SLC35E1: variants seen among roughly 807,000 people sequenced by gnomAD.
SLC35E1 encodes solute carrier family 35 member E1.
Under a neutral mutation model 31.0 loss-of-function variants are expected in SLC35E1, and 12 were observed. The ratio of observed to expected loss-of-function variants is 0.39; its 90% CI spans 0.25 to 0.63. The LOEUF (loss-of-function observed/expected upper bound fraction) is 0.63. SLC35E1 is among the 20% of genes least tolerant of loss of function. The pLI, the probability that SLC35E1 is intolerant of heterozygous loss-of-function variation, is 0.52. For missense variants in SLC35E1, 429 were observed against 572.2 expected (o/e 0.75, Z 2.55); for synonymous variants, 257 against 264.1 (o/e 0.97, Z 0.26).
Position 16,553,457 on chromosome 19 carries a change from A to G in SLC35E1, c.*222T>C. The G allele has an allele frequency of 2.6e-6, 1 of 381,072 alleles. No individual in the cohort carries two copies. Among genetic ancestry groups the G allele is most frequent in the East Asian group, 3.9e-5 (1 of 25,534 alleles). The allele number at this position is 381,072 out of a possible 1,614,324, so 23.6% of individuals were successfully genotyped here. On this transcript the variant is annotated 3_prime_UTR_variant, in exon 6 of 6. Transcript: ENST00000595753. ...ACTCCAGGAAGAAAGAGCATGAGACACTGGTCTCTGTTTAGGTTTGCCCAG... is the reference window on the plus strand; with the variant it reads ...ACTCCAGGAAGAAAGAGCATGAGACGCTGGTCTCTGTTTAGGTTTGCCCAG...
Position 16,550,740 on chromosome 19 carries a change from GC to G in SLC35E1, c.*2938del, listed in dbSNP as rs201308043. On this transcript the variant is annotated 3_prime_UTR_variant, in exon 6 of 6. Coordinates refer to ENST00000595753, the MANE Select transcript of SLC35E1 (RefSeq NM_024881.5). ...AAGCAAGACTCCATCTTGGCAGGGG[GC>G]GGGGGGATGTGGACCTTCAAGTCTC... 23,655 of 140,032 alleles carry G rather than the reference GC, an allele frequency of 0.17. 2,752 individuals carry two copies. The highest frequency in any genetic ancestry group is 0.38 in the African/African-American group (13,741 of 36,606). 8.7% of individuals were successfully genotyped at this position (140,032 alleles called of 1,614,324 possible).
Position 16,555,176 on chromosome 19 carries a change from G to A in SLC35E1, c.978C>T (p.Ile326=), listed in dbSNP as rs1259118497. 1.9e-6 allele frequency: 3 copies of A among 1,614,182 alleles called. No homozygotes were observed. Among genetic ancestry groups the A allele is most frequent in the Non-Finnish European group, 2.5e-6 (3 of 1,180,046 alleles). ...CCTTGTTATAGAGGAAGACCCCCAG[G>A]ATGGCGGTCATCATGCCCAGGACGT... The part of the protein sequence containing the change: ...STNVLGMMTA[I]LGVFLYNKTK... Residue 326 remains isoleucine (I), a synonymous_variant, in exon 5 of 6, where the codon ATC becomes ATT. Coordinates refer to ENST00000595753, the MANE Select transcript of SLC35E1 (RefSeq NM_024881.5). This position sits in a 1 kb window ranked among gnomAD's most constrained non-coding sequence, Gnocchi z 4.1.
chr19:16,558,084 C>T (rs1339064502), intron 4 of SLC35E1, among the ~76,000 whole-genome samples: 1 of 151,848 alleles, frequency 6.6e-6, no homozygotes, highest in Non-Finnish European at 1.5e-5. Flanking sequence ...GCTCTTGTCA[C>T]CCTGGCTGGA....
rs939243700 is a variant in SLC35E1, at chr19:16,555,956, C to T, written c.757-559G>A. 1 of 155,906 alleles carries T rather than the reference C, an allele frequency of 6.4e-6. No individual in the cohort carries two copies. Among genetic ancestry groups the T allele is most frequent in the Non-Finnish European group, 1.4e-5 (1 of 70,634 alleles). 9.7% of individuals were successfully genotyped at this position (155,906 alleles called of 1,614,324 possible). ...TGAGGCCAGGTGCAGTGGCTCACAC[C>T]TGTAATCCCAGCACTTTGGGAGGCC... is the stretch of plus-strand genomic sequence containing the variant. On this transcript the variant is annotated intron_variant, in intron 4 of 5. Transcript: ENST00000595753. The surrounding 1 kb of genome is among the most constrained non-coding windows in gnomAD (Gnocchi z 4.1).
At chr19:16,557,512 A>C (rs1219944319) in intron 4 of SLC35E1, among the ~76,000 whole-genome samples, 1 of 152,090 alleles carries the variant, frequency 6.6e-6, no homozygotes, top group African/African-American at 2.4e-5. Flanking sequence ...CATTTTAACA[A>C]ATGCATCAAT....
Position 16,553,812 on chromosome 19 carries a change from T to C in SLC35E1, c.1100A>G (p.Lys367Arg). The change falls in exon 6 of 6, where the codon AAG becomes AGG. Residue 367 changes from lysine (K) to arginine (R), a missense_variant. Transcript: ENST00000595753. ...SKERHRSPLE[K>R]PHNGLLFPQH... ...GGGGAAGAGGAGGCCGTTGTGGGGC[T>C]TCTCCAGTGGGCTCCGGTGACGCTC... 1 of 1,614,082 alleles carries C rather than the reference T, an allele frequency of 6.2e-7. No individual in the cohort carries two copies.
At position 16,572,260 on chromosome 19, in the gene SLC35E1, C is replaced by G. The variant is rs1273096877; in HGVS notation, c.105G>C (p.Leu35=). Reference sequence around the variant, plus strand: ...CGCCCGCGCTCAGCGCGTACCACAGCAGGCACAGCGCCGCCACCCGCGCGC... The same window carrying G: ...CGCCCGCGCTCAGCGCGTACCACAGGAGGCACAGCGCCGCCACCCGCGCGC... The part of the protein sequence containing the change: ...REGARVAALC[L]LWYALSAGGN... The change falls in exon 1 of 6, where the codon CTG becomes CTC. Residue 35 remains leucine (L), a synonymous_variant. Coordinates refer to ENST00000595753, the MANE Select transcript of SLC35E1 (RefSeq NM_024881.5). The surrounding 1 kb of genome is among the most constrained non-coding windows in gnomAD (Gnocchi z 4.1). 1 of 1,510,730 alleles carries G rather than the reference C, an allele frequency of 6.6e-7. No individual in the cohort carries two copies. The highest frequency in any genetic ancestry group is 8.9e-7 in the Non-Finnish European group (1 of 1,128,578). The allele number at this position is 1,510,730 out of a possible 1,614,324, so 93.6% of individuals were successfully genotyped here. A position where few individuals can be genotyped will look rare whatever the true frequency, so the allele number is the denominator to read the frequency against.
At chr19:16,565,182 G>C (rs1463651582) in intron 4 of SLC35E1, 1 of 452,506 alleles carries the variant, frequency 2.2e-6, no homozygotes, top group Non-Finnish European at 4.4e-6. Flanking sequence ...ACAGAGACCA[G>C]GGAGGAACTG....
chr19:16,566,917 A>G (rs949376790), intron 3 of SLC35E1, among the ~76,000 whole-genome samples: 1 of 152,212 alleles, frequency 6.6e-6, no homozygotes, highest in Non-Finnish European at 1.5e-5. Flanking sequence ...TGAAGTAGGC[A>G]CTCTGAAATT....
At chr19:16,564,230 A>G (rs1417332486) in intron 4 of SLC35E1, 1 of 152,432 alleles carries the variant, frequency 6.6e-6, no homozygotes, top group Non-Finnish European at 1.5e-5. Flanking sequence ...TCCCGCTGGG[A>G]GAAACGCTGA....
At chr19:16,566,908 G>C (rs1355216188) in intron 3 of SLC35E1, among the ~76,000 whole-genome samples, 1 of 152,228 alleles carries the variant, frequency 6.6e-6, no homozygotes, top group African/African-American at 2.4e-5. Flanking sequence ...AGGATGAAGT[G>C]AAGTAGGCAC....
rs1489644158 is a variant in SLC35E1, at chr19:16,572,335, G to A, written c.30C>T (p.His10=). 6 of 1,135,434 alleles carry A rather than the reference G, an allele frequency of 5.3e-6. No homozygotes were observed. In the East Asian group the frequency reaches 2.0e-4, roughly 37 times the overall value. 70.3% of individuals were successfully genotyped at this position (1,135,434 alleles called of 1,614,324 possible). A position where few individuals can be genotyped will look rare whatever the true frequency, so the allele number is the denominator to read the frequency against. Residue 10 remains histidine (H), a synonymous_variant, in exon 1 of 6, where the codon CAC becomes CAT. Transcript: ENST00000595753. This position sits in a 1 kb window ranked among gnomAD's most constrained non-coding sequence, Gnocchi z 4.1. MAAAAVGAG[H]GAGGPGAASS... ...TCGCTGCGCCCGGGCCCCCCGCGCC[G>A]TGGCCCGCGCCCACCGCGGCCGCCG...
At chr19:16,560,659 C>G (rs1296365717) in intron 4 of SLC35E1, among the ~76,000 whole-genome samples, 1 of 151,946 alleles carries the variant, frequency 6.6e-6, no homozygotes, top group African/African-American at 2.4e-5. Flanking sequence ...GTCAGGAGTT[C>G]GAGACCAGCC....
intron 1 of SLC35E1, 59 bp from the exon 2 acceptor site, chr19:16,571,641 C>A: frequency 6.3e-7 from 1 of 1,577,198 alleles, no homozygotes; most frequent in South Asian, 1.1e-5. Context: ...CCAACCTGTT[C>A]CACCTCCACG....
In SLC35E1 at chr19:16,555,601, C is replaced by T; in HGVS notation, c.757-204G>A. The T allele has an allele frequency of 1.6e-6, 1 of 618,856 alleles. No homozygotes were observed. The allele number at this position is 618,856 out of a possible 1,614,324, so 38.3% of individuals were successfully genotyped here. A position where few individuals can be genotyped will look rare whatever the true frequency, so the allele number is the denominator to read the frequency against. On this transcript the variant is annotated intron_variant, in intron 4 of 5. Transcript: ENST00000595753. The surrounding 1 kb of genome is among the most constrained non-coding windows in gnomAD (Gnocchi z 4.1). ...CTCAGAACCTCATGACACCACACAGCATGGGAATCACCCGCCGTCTCCTGC... is the reference window on the plus strand; with the variant it reads ...CTCAGAACCTCATGACACCACACAGTATGGGAATCACCCGCCGTCTCCTGC...
At position 16,564,966 on chromosome 19, in the gene SLC35E1, G is replaced by C. The variant is rs189345406; in HGVS notation, c.756+1566C>G. On this transcript the variant is annotated intron_variant, in intron 4 of 5. Coordinates refer to ENST00000595753, the MANE Select transcript of SLC35E1 (RefSeq NM_024881.5). ...GTAATATCCACTACTTCAGCAGGTG[G>C]AGCCAAGGATTAAAGATAAGAAATG... 1.7e-5 allele frequency: 6 copies of C among 350,518 alleles called. No homozygotes were observed. In the Middle Eastern group the frequency reaches 1.2e-3, roughly 68 times the overall value. 21.7% of individuals were successfully genotyped at this position (350,518 alleles called of 1,614,324 possible). A position where few individuals can be genotyped will look rare whatever the true frequency, so the allele number is the denominator to read the frequency against.
chr19:16,570,158 C>T (rs2085950423), intron 2 of SLC35E1, among the ~76,000 whole-genome samples: 1 of 152,206 alleles, frequency 6.6e-6, no homozygotes, highest in South Asian at 2.1e-4. Flanking sequence ...CGGCTCCTTG[C>T]CCAAGCTGGG....
At chr19:16,557,319 G>A (rs1208458922) in intron 4 of SLC35E1, among the ~76,000 whole-genome samples, 2 of 151,808 alleles carry the variant, frequency 1.3e-5, no homozygotes, top group African/African-American at 2.4e-5. Flanking sequence ...TCAGCCTCCC[G>A]AGTAGCCGGG....
chr19:16,560,881 C>CAAAAAAAAAAAAAAAAAAAAA (rs1304202019), intron 4 of SLC35E1, among the ~76,000 whole-genome samples: 5 of 68,054 alleles, frequency 7.3e-5, no homozygotes, highest in African/African-American at 1.2e-4. Flanking sequence ...AAAAAAAAAC[C>CAAAAAAAAAAAAAAAAAAAAA]AAAAAAAAAA....
Sources: gnomAD v4.1 joint callset for allele counts (sites outside exome capture counted in the v4.1 genomes callset) on GRCh38, gnomAD v4.1.1 for gene constraint, Gnocchi (gnomAD v3.1) non-coding constraint, MANE v1.5 for transcripts, NCBI Gene and HGNC (gene_info 2026-07-23, HGNC 2026-07-21) for gene names.